Variants in CSMD1 observed in about 807,000 individuals in gnomAD.
CSMD1 encodes CUB and sushi domain-containing protein 1.
Under a neutral mutation model 417.5 loss-of-function variants are expected in CSMD1, and 213 were observed. The observed-to-expected ratio is 0.51, with a 90% CI of 0.46 to 0.57. The LOEUF (loss-of-function observed/expected upper bound fraction) is 0.57, where lower values mean the gene tolerates loss of function less well. CSMD1 is among the 20% of genes least tolerant of loss of function. The probability of loss-of-function intolerance (pLI) is 0.00; values close to 1 mark genes in which losing one functional copy is unlikely to be tolerated. For missense variants in CSMD1, 6,923 were observed against 4,529.7 expected (o/e 1.53, Z -15.17); for synonymous variants, 2,862 against 1,736.8 (o/e 1.65, Z -16.11).
chr8:3,736,611 G>A (rs1420666319), intron 6 of CSMD1, among the ~76,000 whole-genome samples: 2 of 152,136 alleles, frequency 1.3e-5, no homozygotes, highest in African/African-American at 4.8e-5. Context: ...GCAACACCAG[G>A]CAATGGCAGA....
At position 4,791,654 on chromosome 8, in the gene CSMD1, A is replaced by G. The variant is rs186141745; in HGVS notation, c.86-154096T>C. On this transcript the variant is annotated intron_variant, in intron 1 of 69. Coordinates refer to ENST00000635120, the MANE Select transcript of CSMD1 (RefSeq NM_033225.6). ...GAGCTCACTTAAAAATGGGCCCAAC[A>G]CAGAAGGCTAGTTAAGACATGGAGA... Among the ~76,000 whole-genome samples, 635 of 152,300 alleles carry G rather than the reference A, an allele frequency of 4.2e-3. 7 individuals are homozygous for G. Among genetic ancestry groups the G allele is most frequent in the African/African-American group, 0.014 (569 of 41,564 alleles).
At chr8:4,294,423 T>C (rs1440077008) in intron 3 of CSMD1, among the ~76,000 whole-genome samples, 1 of 152,156 alleles carries the variant, frequency 6.6e-6, no homozygotes, top group Non-Finnish European at 1.5e-5. Context: ...CTAATGTTTA[T>C]CAGACACTTC....
chr8:3,475,816 C>T (rs1432248883), intron 11 of CSMD1, among the ~76,000 whole-genome samples: 1 of 152,220 alleles, frequency 6.6e-6, no homozygotes, highest in Non-Finnish European at 1.5e-5. Flanking sequence ...TGCCTTACAA[C>T]TAGGGCACTT....
rs1300614396 is a variant in CSMD1, at chr8:4,392,665, A to AT, written c.415+27287dup. On this transcript the variant is annotated intron_variant, in intron 3 of 69. Transcript: ENST00000635120. ...GGGGAGGGTTATTATTATTATTATT[A>AT]TTTTTTTTTGAGATGGACTGTGGGC... Among the ~76,000 whole-genome samples, 429 of 140,352 alleles carry AT rather than the reference A, an allele frequency of 3.1e-3. 6 individuals are homozygous for AT. The highest frequency in any genetic ancestry group is 0.011 in the African/African-American group (369 of 33,692). The allele number at this position is 140,352 out of a possible 152,430, so 92.1% of individuals were successfully genotyped here.
chr8:4,079,209 C>T (rs964732565), intron 3 of CSMD1, among the ~76,000 whole-genome samples: 4 of 151,996 alleles, frequency 2.6e-5, no homozygotes, highest in African/African-American at 9.7e-5. Flanking sequence ...GAGACATGCC[C>T]ACTGTTTGGT....
intron 1 of CSMD1, among the ~76,000 whole-genome samples, chr8:4,811,231 C>G (rs1339838953): frequency 6.6e-6 from 1 of 152,086 alleles, no homozygotes; most frequent in African/African-American, 2.4e-5. Flanking sequence ...AACAAGAGAA[C>G]TGAAGACAAT....
In CSMD1 at chr8:3,190,133, A is replaced by G; in HGVS notation, c.5195-18T>C. 1 of 1,563,824 alleles carries G rather than the reference A, an allele frequency of 6.4e-7. No homozygotes were observed. Among genetic ancestry groups the G allele is most frequent in the South Asian group, 1.2e-5 (1 of 84,984 alleles). On this transcript the variant is annotated intron_variant, in intron 33 of 69. Coordinates refer to ENST00000635120, the MANE Select transcript of CSMD1 (RefSeq NM_033225.6). ...AGGAACAGCTAGAAGCAAAGTACAG[A>G]ACACAGCCGTCTGTATCTCCATCAG...
At chr8:3,575,338 A>G (rs7816319) in intron 9 of CSMD1, among the ~76,000 whole-genome samples, 67,406 of 151,914 alleles carry the variant, frequency 0.44, 15,104 homozygotes, top group Middle Eastern at 0.53. Context: ...AACAGATGAC[A>G]GCCTCATGTG....
At chr8:4,082,516 A>T (rs570986127) in intron 3 of CSMD1, among the ~76,000 whole-genome samples, 7 of 152,274 alleles carry the variant, frequency 4.6e-5, no homozygotes, top group African/African-American at 1.7e-4. Flanking sequence ...AAGACCTAAA[A>T]AATAAAACTA....
intron 5 of CSMD1, among the ~76,000 whole-genome samples, chr8:3,874,907 T>C (rs1805710941): frequency 6.6e-6 from 1 of 152,120 alleles, no homozygotes; most frequent in African/African-American, 2.4e-5. Flanking sequence ...ACCAGTGATT[T>C]GAATAAGACT....
chr8:4,247,641 G>C (rs1047999122), intron 3 of CSMD1, among the ~76,000 whole-genome samples: 6 of 152,096 alleles, frequency 3.9e-5, no homozygotes, highest in African/African-American at 1.4e-4. Context: ...TTTCAAGTAA[G>C]TTATCACCAT....
chr8:3,222,198 G>A (rs1260683755), intron 28 of CSMD1, among the ~76,000 whole-genome samples: 1 of 152,072 alleles, frequency 6.6e-6, no homozygotes, highest in Admixed American at 6.6e-5. Flanking sequence ...ACTTCCAGAG[G>A]GGTGTATAAA....
intron 3 of CSMD1, among the ~76,000 whole-genome samples, chr8:4,197,250 A>C (rs1349917297): frequency 6.6e-6 from 1 of 152,208 alleles, no homozygotes; most frequent in Non-Finnish European, 1.5e-5. Context: ...ATTTCGTATA[A>C]CCAGATAGAT....
chr8:4,781,257 T>C (rs918904671), intron 1 of CSMD1, among the ~76,000 whole-genome samples: 1 of 152,208 alleles, frequency 6.6e-6, no homozygotes. Context: ...GATGAGGGAA[T>C]GCCCTCCTGC....
chr8:4,119,749 G>C (rs1433626145), intron 3 of CSMD1, among the ~76,000 whole-genome samples: 1 of 152,156 alleles, frequency 6.6e-6, no homozygotes, highest in Admixed American at 6.5e-5. Context: ...AGTGGGAAAT[G>C]AACATCCATG....
chr8:4,446,114 T>TTTG lies in CSMD1; in HGVS notation c.303-26052_303-26050dup, dbSNP rs199593018. 1.8e-3 allele frequency among the ~76,000 whole-genome samples: 280 copies of TTTG among 152,318 alleles called. 1 individual carries two copies. The highest frequency in any genetic ancestry group is 6.5e-3 in the African/African-American group (269 of 41,572). Reference sequence around the variant, plus strand: ...TTCACTGTAGACAGCAAGTTGTGATTTTGTTGTTACATTCGTTACATACGT... The same window carrying TTTG: ...TTCACTGTAGACAGCAAGTTGTGATTTTGTTGTTGTTACATTCGTTACATACGT... On this transcript the variant is annotated intron_variant, in intron 2 of 69. Coordinates refer to ENST00000635120, the MANE Select transcript of CSMD1 (RefSeq NM_033225.6).
At chr8:4,255,039 G>A (rs146359849) in intron 3 of CSMD1, among the ~76,000 whole-genome samples, 32 of 152,272 alleles carry the variant, frequency 2.1e-4, no homozygotes, top group Non-Finnish European at 4.4e-4. Context: ...TACCATAGAG[G>A]AGTTGATCAA....
intron 54 of CSMD1, among the ~76,000 whole-genome samples, chr8:2,984,153 G>A (rs929609145): frequency 3.3e-5 from 5 of 152,148 alleles, no homozygotes; most frequent in African/African-American, 1.2e-4. Context: ...GAGGTGCACT[G>A]AGAGACCATC....
At chr8:3,508,497 A>G (rs558974657) in intron 10 of CSMD1, among the ~76,000 whole-genome samples, 8 of 120,830 alleles carry the variant, frequency 6.6e-5, no homozygotes, top group African/African-American at 2.6e-4. Context: ...CCTAGAACTT[A>G]AAGTATAATA....
Sources: allele counts gnomAD v4.1 joint callset (sites outside exome capture counted in the v4.1 genomes callset), GRCh38; gene constraint gnomAD v4.1.1; transcripts MANE v1.5; gene names NCBI Gene and HGNC (gene_info 2026-07-23, HGNC 2026-07-21).